Variants in GALK2 observed in about 807,000 individuals in gnomAD.
GALK2 encodes the protein N-acetylgalactosamine kinase.
Under a neutral mutation model 52.4 loss-of-function variants are expected in GALK2, and 36 were observed. That is an observed-to-expected ratio of 0.69 (90% confidence interval 0.53 to 0.91). The LOEUF (loss-of-function observed/expected upper bound fraction) is 0.91, where lower values mean the gene tolerates loss of function less well. Among genes scored for constraint, GALK2 ranks in the 40% least tolerant of loss-of-function variants. GALK2 has a pLI of 0.00. For synonymous variants in GALK2, 176 were observed against 199.1 expected, an observed-to-expected ratio of 0.88 and a Z score of 0.98; for missense variants, 579 against 559.1, an observed-to-expected ratio of 1.04 and a Z score of -0.36.
At chr15:49,187,547 A>C (rs1249932970) in intron 1 of GALK2, among the ~76,000 whole-genome samples, 1 of 152,154 alleles carries the variant, frequency 6.6e-6, no homozygotes, top group Non-Finnish European at 1.5e-5. Context: ...TTGGTCCAGA[A>C]ATGCTGTCTA....
At chr15:49,264,988 G>A (rs1171435551) in intron 5 of GALK2, among the ~76,000 whole-genome samples, 2 of 152,202 alleles carry the variant, frequency 1.3e-5, no homozygotes, top group Non-Finnish European at 2.9e-5. Context: ...CCCCTACTGG[G>A]GGGTGCCTCC....
downstream of GALK2, among the ~76,000 whole-genome samples, chr15:49,334,990 G>T (rs571552373): frequency 1.1e-3 from 161 of 152,244 alleles, 1 homozygote; most frequent in African/African-American, 3.8e-3. Flanking sequence ...GTTCCCCCAA[G>T]AAAACATTTC....
chr15:49,233,298 T>C (rs1280758096), intron 3 of GALK2, among the ~76,000 whole-genome samples: 1 of 151,984 alleles, frequency 6.6e-6, no homozygotes, highest in Non-Finnish European at 1.5e-5. Flanking sequence ...TAACCAGATC[T>C]AGTGAGAGCT....
At chr15:49,281,810 T>C (rs2032740528) in intron 5 of GALK2, among the ~76,000 whole-genome samples, 177 bp from the exon 6 acceptor site, 1 of 152,208 alleles carries the variant, frequency 6.6e-6, no homozygotes, top group Admixed American at 6.5e-5. Flanking sequence ...TGTTAATTGA[T>C]TTTGGTATAT....
chr15:49,338,906 C>T (rs920000784), intron 3 of GALK2, among the ~76,000 whole-genome samples: 16 of 152,130 alleles, frequency 1.1e-4, no homozygotes, highest in African/African-American at 3.4e-4. Context: ...TCCTTTCTAC[C>T]GCTTGATCAA....
chr15:49,204,247 G>T (rs946694367), intron 2 of GALK2, among the ~76,000 whole-genome samples: 9 of 151,858 alleles, frequency 5.9e-5, no homozygotes, highest in African/African-American at 1.9e-4. Context: ...TTTGAAGTCA[G>T]ATAGTGTGAT....
chr15:49,326,254 CATTT>C (rs2037464256), intron 9 of GALK2, among the ~76,000 whole-genome samples: 1 of 126,280 alleles, frequency 7.9e-6, no homozygotes. Context: ...ATATGACAAC[CATTT>C]TTTTTTTTTT....
At chr15:49,178,674 G>T in intron 1 of GALK2, 1 of 219,254 alleles carries the variant, frequency 4.6e-6, no homozygotes, top group Non-Finnish European at 9.7e-6. Flanking sequence ...GGGACTCTCC[G>T]AAGAAAGTGC....
At chr15:49,245,997 T>C (rs947782134) in intron 5 of GALK2, among the ~76,000 whole-genome samples, 3 of 152,218 alleles carry the variant, frequency 2.0e-5, no homozygotes, top group African/African-American at 2.4e-5. Flanking sequence ...GTTAACAATG[T>C]TGTGTTTAGG....
intron 2 of GALK2, among the ~76,000 whole-genome samples, chr15:49,213,748 G>C (rs2089135347): frequency 6.6e-6 from 1 of 151,868 alleles, no homozygotes; most frequent in African/African-American, 2.4e-5. Context: ...TTGTTTTGTT[G>C]GTCCTCTCTT....
intron 1 of GALK2, among the ~76,000 whole-genome samples, chr15:49,159,828 C>G (rs2084588839): frequency 6.6e-6 from 1 of 151,736 alleles, no homozygotes. Context: ...ATGTATATAC[C>G]CATTATCAGC....
At chr15:49,201,401 A>T (rs563248344) in intron 2 of GALK2, 151 bp downstream of exon 2, 10 of 520,174 alleles carry the variant, frequency 1.9e-5, no homozygotes, top group African/African-American at 1.3e-4. Context: ...TAAGGAACAC[A>T]CTTTACTTTT....
intron 2 of GALK2, among the ~76,000 whole-genome samples, chr15:49,206,310 A>T (rs1025257105): frequency 6.6e-6 from 1 of 151,790 alleles, no homozygotes; most frequent in African/African-American, 2.4e-5. Flanking sequence ...GGTTAGTTAC[A>T]TATGTATGGT....
chr15:49,263,969 G>A (rs887733502), intron 5 of GALK2, among the ~76,000 whole-genome samples: 4 of 151,864 alleles, frequency 2.6e-5, no homozygotes, highest in African/African-American at 9.7e-5. Flanking sequence ...CCCTTTGAGG[G>A]TAACCCGACC....
chr15:49,208,517 T>C (rs1269365310), intron 2 of GALK2, among the ~76,000 whole-genome samples: 3 of 152,192 alleles, frequency 2.0e-5, no homozygotes, highest in African/African-American at 7.2e-5. Context: ...TTTGAGAGAG[T>C]GCTTGATATA....
At chr15:49,218,848 C>T (rs978235212) in intron 3 of GALK2, among the ~76,000 whole-genome samples, 1 of 152,056 alleles carries the variant, frequency 6.6e-6, no homozygotes, top group Non-Finnish European at 1.5e-5. Flanking sequence ...TTTATTGAGA[C>T]AGGGTCTCAC....
intron 5 of GALK2, among the ~76,000 whole-genome samples, chr15:49,249,349 C>T (rs1316520548): frequency 6.6e-6 from 1 of 152,188 alleles, no homozygotes; most frequent in East Asian, 1.9e-4. Context: ...TTTGTCCCCT[C>T]TGTGGCCAAT....
intron 2 of GALK2, among the ~76,000 whole-genome samples, chr15:49,205,413 A>G (rs1169996600): frequency 6.6e-6 from 1 of 152,142 alleles, no homozygotes; most frequent in African/African-American, 2.4e-5. Flanking sequence ...TTTTTAGATT[A>G]TGGCCATTCT....
chr15:49,342,903 T>G (rs1479701966), intron 3 of GALK2, among the ~76,000 whole-genome samples: 1 of 152,196 alleles, frequency 6.6e-6, no homozygotes, highest in African/African-American at 2.4e-5. Context: ...TGCTGTAGCC[T>G]GAAGGTGTTC....
Sources: gnomAD v4.1 joint callset for allele counts (sites outside exome capture counted in the v4.1 genomes callset) on GRCh38, gnomAD v4.1.1 for gene constraint, MANE v1.5 for transcripts, NCBI Gene and HGNC (gene_info 2026-07-23, HGNC 2026-07-21) for gene names.